Variants in MAST4 observed in about 807,000 individuals in gnomAD.
The protein encoded by MAST4 is microtubule associated serine/threonine kinase family member 4, also known as microtubule-associated serine/threonine-protein kinase 4.
Under a neutral mutation model 162.7 loss-of-function variants are expected in MAST4, and 89 were observed. The ratio of observed to expected loss-of-function variants is 0.55; its 90% confidence interval spans 0.46 to 0.65. The LOEUF is 0.65. MAST4 is among the 30% of genes least tolerant of loss of function. The pLI, the probability that MAST4 is intolerant of heterozygous loss-of-function variation, is 0.00. For missense variants in MAST4, 3,153 were observed against 3,374.0 expected (o/e 0.93, Z 1.62); for synonymous variants, 1,479 against 1,361.1 (o/e 1.09, Z -1.91).
chr5:67,158,484 T>C (rs997901539), intron 26 of MAST4, among the ~76,000 whole-genome samples: 8 of 151,858 alleles, frequency 5.3e-5, no homozygotes, highest in African/African-American at 1.9e-4. Flanking sequence ...GGCAGGAGGA[T>C]TGCTTGAGCC....
intron 3 of MAST4, among the ~76,000 whole-genome samples, chr5:66,820,027 C>T (rs1251118333): frequency 1.3e-5 from 2 of 150,612 alleles, no homozygotes; most frequent in Non-Finnish European, 3.0e-5. Context: ...ACTATGTTGC[C>T]CAGGCCTGTC....
At position 67,167,149 on chromosome 5, in the gene MAST4, C is replaced by A; in HGVS notation, c.*98C>A. 9.1e-7 allele frequency: 1 copy of A among 1,095,456 alleles called. No individual in the cohort carries two copies. The highest frequency in any genetic ancestry group is 1.2e-6 in the Non-Finnish European group (1 of 806,554). 67.9% of individuals were successfully genotyped at this position (1,095,456 alleles called of 1,614,324 possible). A position where few individuals can be genotyped will look rare whatever the true frequency, so the allele number is the denominator to read the frequency against. ...ACCAGCACTGTGTGGGAATGTCCGC[C>A]AGGCAGAGCTCGGAGCCTCATTGAG... On this transcript the variant is annotated 3_prime_UTR_variant, in exon 29 of 29. Coordinates refer to ENST00000403625, the MANE Select transcript of MAST4 (RefSeq NM_001164664.2).
intron 4 of MAST4, among the ~76,000 whole-genome samples, chr5:66,935,160 A>C (rs753075974): frequency 7.9e-5 from 12 of 152,180 alleles, no homozygotes; most frequent in Non-Finnish European, 1.3e-4. Context: ...GCTCACTCCT[A>C]ATGCCACTAC....
intron 1 of MAST4, among the ~76,000 whole-genome samples, chr5:66,655,613 C>T (rs942550162): frequency 1.3e-5 from 2 of 152,112 alleles, no homozygotes; most frequent in Admixed American, 6.5e-5. Flanking sequence ...ACCTAGGGCT[C>T]CCTGAGGAGA....
At chr5:67,127,078 G>A (rs1320425115) in intron 14 of MAST4, among the ~76,000 whole-genome samples, 1 of 152,044 alleles carries the variant, frequency 6.6e-6, no homozygotes, top group Non-Finnish European at 1.5e-5. Flanking sequence ...TTTGCACATT[G>A]GTTTTATGTC....
At chr5:67,138,497 G>A (rs1322162013) in intron 19 of MAST4, among the ~76,000 whole-genome samples, 3 of 151,798 alleles carry the variant, frequency 2.0e-5, no homozygotes, top group South Asian at 2.1e-4. Context: ...GCAGTGGTGC[G>A]ATCTTGGTCC....
At chr5:66,780,624 G>A (rs1244326480) in intron 2 of MAST4, among the ~76,000 whole-genome samples, 1 of 152,190 alleles carries the variant, frequency 6.6e-6, no homozygotes, top group Non-Finnish European at 1.5e-5. Context: ...AGGGACCCAA[G>A]CAGGTTGCTG....
At chr5:66,626,440 C>G (rs189548757) in intron 1 of MAST4, among the ~76,000 whole-genome samples, 1 of 152,134 alleles carries the variant, frequency 6.6e-6, no homozygotes, top group Non-Finnish European at 1.5e-5. Flanking sequence ...CACTGTATAT[C>G]TTGGAGAAGG....
intron 4 of MAST4, among the ~76,000 whole-genome samples, chr5:66,910,628 C>T (rs76574987): frequency 0.033 from 4,966 of 152,062 alleles, 148 homozygotes; most frequent in African/African-American, 0.076. Flanking sequence ...AATACCACAC[C>T]AAATGGTTTT....
At chr5:67,078,928 A>T (rs1581473997) in intron 5 of MAST4, among the ~76,000 whole-genome samples, 3 of 84,490 alleles carry the variant, frequency 3.6e-5, no homozygotes, top group African/African-American at 6.4e-5. Flanking sequence ...ATATATATAT[A>T]TATATATATA....
chr5:67,071,337 T>G (rs1480788885), intron 5 of MAST4, among the ~76,000 whole-genome samples: 1 of 152,152 alleles, frequency 6.6e-6, no homozygotes, highest in South Asian at 2.1e-4. Flanking sequence ...TGCTAGATAA[T>G]GATGTAATGG....
At chr5:66,845,104 T>TAG (rs1478820435) in intron 3 of MAST4, among the ~76,000 whole-genome samples, 1 of 123,274 alleles carries the variant, frequency 8.1e-6, no homozygotes, top group African/African-American at 3.2e-5. Context: ...TATATATATA[T>TAG]ATATATATAT....
At chr5:66,624,419 C>T (rs1396078157) in intron 1 of MAST4, among the ~76,000 whole-genome samples, 1 of 152,034 alleles carries the variant, frequency 6.6e-6, no homozygotes, top group Non-Finnish European at 1.5e-5. Flanking sequence ...TCCCAAAGTG[C>T]TGGGATTATA....
intron 5 of MAST4, among the ~76,000 whole-genome samples, chr5:67,064,074 G>C (rs1022443981): frequency 2.0e-5 from 3 of 152,184 alleles, no homozygotes; most frequent in Non-Finnish European, 4.4e-5. Context: ...GGTTGCCTCT[G>C]TGTTGGCGAT....
chr5:66,955,877 C>T (rs1032150487), intron 4 of MAST4, among the ~76,000 whole-genome samples: 1 of 151,950 alleles, frequency 6.6e-6, no homozygotes, highest in Non-Finnish European at 1.5e-5. Flanking sequence ...TCCTAAATGC[C>T]TGATTATGTG....
chr5:66,764,316 T>G (rs1200167821), intron 2 of MAST4, among the ~76,000 whole-genome samples: 2 of 152,108 alleles, frequency 1.3e-5, no homozygotes, highest in East Asian at 3.9e-4. Flanking sequence ...GAGGGCAAGT[T>G]CTCCTGTACA....
At chr5:67,071,482 G>A (rs796449211) in intron 5 of MAST4, among the ~76,000 whole-genome samples, 31 of 152,196 alleles carry the variant, frequency 2.0e-4, no homozygotes, top group African/African-American at 7.5e-4. Context: ...GCTGGGCGTG[G>A]TGGCTCACGC....
chr5:67,097,807 C>T (rs1312472200), intron 7 of MAST4, among the ~76,000 whole-genome samples: 4 of 152,060 alleles, frequency 2.6e-5, no homozygotes, highest in South Asian at 2.1e-4. Flanking sequence ...ATTTAGATGA[C>T]GGACTGCAGG....
chr5:66,623,384 A>T (rs560645011), intron 1 of MAST4, among the ~76,000 whole-genome samples: 12 of 152,350 alleles, frequency 7.9e-5, no homozygotes, highest in African/African-American at 2.9e-4. Flanking sequence ...TAGATGCAAA[A>T]ATCCTCAATA....
Sources: gnomAD v4.1 joint callset for allele counts (sites outside exome capture counted in the v4.1 genomes callset) on GRCh38, gnomAD v4.1.1 for gene constraint, MANE v1.5 for transcripts, NCBI Gene and HGNC (gene_info 2026-07-23, HGNC 2026-07-21) for gene names.